PKIB: variants seen among roughly 807,000 people sequenced by gnomAD.
PKIB encodes cAMP-dependent protein kinase inhibitor beta, also known as PKI-beta.
In PKIB, 2 loss-of-function variants were observed where a neutral mutation model predicts 4.5. The ratio of observed to expected loss-of-function variants is 0.44; its 90% CI spans 0.18 to 1.39. The LOEUF (loss-of-function observed/expected upper bound fraction) is 1.39, where lower values mean the gene tolerates loss of function less well. Among genes scored for constraint, PKIB ranks in the 40% most tolerant of loss-of-function variants. PKIB has a pLI of 0.27. For synonymous variants in PKIB, 38 were observed against 36.0 expected (o/e 1.06, Z -0.20); for missense variants, 94 against 92.6 (o/e 1.02, Z -0.06).
Position 122,713,963 on chromosome 6 carries a change from T to G in PKIB, c.-8-3824T>G, listed in dbSNP as rs570552483. Reference sequence around the variant, plus strand: ...CAGTGTGTCAGTGGATCTAATACATTCTTTAACACTGTGGTATAACATTCC... The same window carrying G: ...CAGTGTGTCAGTGGATCTAATACATGCTTTAACACTGTGGTATAACATTCC... On this transcript the variant is annotated intron_variant, in intron 3 of 4. Coordinates refer to ENST00000368452, the MANE Select transcript of PKIB (RefSeq NM_181795.3). Among the ~76,000 whole-genome samples the G allele has an allele frequency of 5.7e-4, 87 of 152,290 alleles. 1 individual carries two copies. Among genetic ancestry groups the G allele is most frequent in the African/African-American group, 2.0e-3 (84 of 41,560 alleles).
At chr6:122,548,214 C>T (rs990143146) in intron 2 of PKIB, among the ~76,000 whole-genome samples, 10 of 152,176 alleles carry the variant, frequency 6.6e-5, no homozygotes, top group Non-Finnish European at 1.2e-4. Context: ...ACCCTTGACT[C>T]ATTTTCTGGT....
At chr6:122,573,323 G>A (rs1383529291) in intron 2 of PKIB, among the ~76,000 whole-genome samples, 1 of 151,794 alleles carries the variant, frequency 6.6e-6, no homozygotes, top group East Asian at 1.9e-4. Flanking sequence ...AACCCAGAAG[G>A]TTAAAACCAG....
chr6:122,621,023 G>A (rs573978831), intron 1 of PKIB, among the ~76,000 whole-genome samples: 192 of 152,184 alleles, frequency 1.3e-3, no homozygotes, highest in African/African-American at 4.5e-3. Context: ...TTATAATAAA[G>A]GGAGTACAAG....
At chr6:122,621,095 T>C (rs1320663713) in intron 1 of PKIB, among the ~76,000 whole-genome samples, 1 of 152,154 alleles carries the variant, frequency 6.6e-6, no homozygotes, top group African/African-American at 2.4e-5. Context: ...TTGGCTTATT[T>C]ACCCTACAAT....
At chr6:122,530,572 C>CGA in intron 2 of PKIB, among the ~76,000 whole-genome samples, 1 of 152,218 alleles carries the variant, frequency 6.6e-6, no homozygotes, top group South Asian at 2.1e-4. Flanking sequence ...GTACTGCCTT[C>CGA]AAGCAGGGAA....
intron 2 of PKIB, among the ~76,000 whole-genome samples, chr6:122,540,240 T>C (rs904926941): frequency 3.9e-5 from 6 of 152,048 alleles, no homozygotes; most frequent in African/African-American, 1.5e-4. Context: ...ATGTGTTTGC[T>C]CTTGCTTTTC....
At chr6:122,715,362 A>C (rs2115065606) in intron 3 of PKIB, among the ~76,000 whole-genome samples, 1 of 152,182 alleles carries the variant, frequency 6.6e-6, no homozygotes, top group East Asian at 1.9e-4. Context: ...CTTTGCAGTT[A>C]CACAGGAAGA....
At chr6:122,517,447 T>C (rs1776796208) in intron 2 of PKIB, among the ~76,000 whole-genome samples, 1 of 152,236 alleles carries the variant, frequency 6.6e-6, no homozygotes, top group African/African-American at 2.4e-5. Context: ...AAATGTCACC[T>C]TTGCCTTCTA....
rs115673514 is a variant in PKIB at position 122,647,545 on chromosome 6, C to T, written c.-76+14178C>T. On this transcript the variant is annotated intron_variant, in intron 2 of 4. Transcript: ENST00000368452. ...TACAGCTATCTTGAAGCATGTTTTC[C>T]AGCCCAAAACATGGTAACCCTTTCC... Among the ~76,000 whole-genome samples the T allele has an allele frequency of 5.4e-3, 830 of 152,308 alleles. 5 individuals carry two copies. Among genetic ancestry groups the T allele is most frequent in the African/African-American group, 0.019 (791 of 41,558 alleles).
chr6:122,486,591 T>TC (rs1258259052), intron 2 of PKIB, among the ~76,000 whole-genome samples: 1 of 152,130 alleles, frequency 6.6e-6, no homozygotes, highest in African/African-American at 2.4e-5. Flanking sequence ...TGATTTTTTT[T>TC]CTTTATCTCT....
chr6:122,521,044 C>G (rs987603298), intron 2 of PKIB, among the ~76,000 whole-genome samples: 2 of 152,176 alleles, frequency 1.3e-5, no homozygotes, highest in African/African-American at 4.8e-5. Flanking sequence ...GTGGGATATG[C>G]AGTCTGGCAT....
chr6:122,475,128 A>G (rs2114505213), intron 1 of PKIB, among the ~76,000 whole-genome samples: 1 of 152,048 alleles, frequency 6.6e-6, no homozygotes, highest in East Asian at 1.9e-4. Context: ...CCACCTCCCA[A>G]ATTCCAGCGA....
intron 3 of PKIB, among the ~76,000 whole-genome samples, chr6:122,715,911 A>C (rs1263640431): frequency 1.3e-5 from 2 of 151,982 alleles, no homozygotes; most frequent in Non-Finnish European, 2.9e-5. Flanking sequence ...TGCAACTTTA[A>C]ATGAGTCGCT....
intron 1 of PKIB, among the ~76,000 whole-genome samples, chr6:122,627,401 C>A (rs974326478): frequency 1.3e-5 from 2 of 152,158 alleles, no homozygotes; most frequent in Non-Finnish European, 2.9e-5. Flanking sequence ...AAGTTACTCC[C>A]TGATTTACTC....
chr6:122,662,688 T>G (rs1035815119), intron 2 of PKIB, among the ~76,000 whole-genome samples: 1 of 152,160 alleles, frequency 6.6e-6, no homozygotes, highest in African/African-American at 2.4e-5. Context: ...GGTTGCAACT[T>G]AAGCTAACAC....
rs181566914 is a variant in PKIB, at chr6:122,479,934, T to A, written c.-248+1995T>A. 2.6e-3 allele frequency: 398 copies of A among 152,014 alleles called. 2 individuals carry two copies. The highest frequency in any genetic ancestry group is 9.1e-3 in the African/African-American group (376 of 41,500). 9.4% of individuals were successfully genotyped at this position (152,014 alleles called of 1,614,324 possible). ...AAAGGTCCAACAGAGCTTAAAGGTA[T>A]ATAGAAAAAATAATAGAAAGTTAAA... is the stretch of plus-strand genomic sequence containing the variant. On this transcript the variant is annotated intron_variant, in intron 2 of 6. Coordinates refer to the PKIB transcript ENST00000392491.
chr6:122,478,207 A>AT (rs1224669418), intron 2 of PKIB: 7 of 152,120 alleles, frequency 4.6e-5, no homozygotes, highest in African/African-American at 9.7e-5. Flanking sequence ...GTAATGTCAG[A>AT]TGAAGCTTAT....
chr6:122,557,843 C>T (rs1772892229), intron 2 of PKIB, among the ~76,000 whole-genome samples: 2 of 152,118 alleles, frequency 1.3e-5, no homozygotes, highest in South Asian at 2.1e-4. Flanking sequence ...TCCTACTCTC[C>T]CTTTGGATTT....
chr6:122,557,402 C>T (rs1375731376), intron 2 of PKIB, among the ~76,000 whole-genome samples: 1 of 152,078 alleles, frequency 6.6e-6, no homozygotes, highest in Non-Finnish European at 1.5e-5. Context: ...TTTATATGAC[C>T]AGGAGAGGAT....
Sources: allele counts gnomAD v4.1 joint callset (sites outside exome capture counted in the v4.1 genomes callset), GRCh38; gene constraint gnomAD v4.1.1; transcripts MANE v1.5; gene names NCBI Gene and HGNC (gene_info 2026-07-23, HGNC 2026-07-21).